Variants in REEP3 observed in about 807,000 individuals in gnomAD.
REEP3 encodes receptor expression-enhancing protein 3.
REEP3 carries 20 observed loss-of-function variants against 41.3 expected under a neutral mutation model. The observed-to-expected ratio is 0.48, with a 90% CI of 0.34 to 0.70. The LOEUF is 0.70. REEP3 is among the 30% of genes least tolerant of loss of function. The pLI, the probability that REEP3 is intolerant of heterozygous loss-of-function variation, is 0.01. For missense variants in REEP3, 271 were observed against 308.8 expected, an observed-to-expected ratio of 0.88 and a Z score of 0.92; for synonymous variants, 104 against 101.8, an observed-to-expected ratio of 1.02 and a Z score of -0.13.
At chr10:63,609,451 CAA>C (rs376009971) in intron 5 of REEP3, among the ~76,000 whole-genome samples, 51 of 81,144 alleles carry the variant, frequency 6.3e-4, no homozygotes, top group Admixed American at 1.2e-3. Flanking sequence ...GACTCTGTCT[CAA>C]AAAAAAAAAA....
At chr10:63,548,639 A>G (rs558493058) in intron 1 of REEP3, among the ~76,000 whole-genome samples, 3 of 152,162 alleles carry the variant, frequency 2.0e-5, no homozygotes, top group Non-Finnish European at 4.4e-5. Context: ...TTTTTAGAAC[A>G]AAGCTGCTGA....
At chr10:63,569,389 TATA>T (rs1346156233) in intron 2 of REEP3, among the ~76,000 whole-genome samples, 3 of 152,004 alleles carry the variant, frequency 2.0e-5, no homozygotes, top group Non-Finnish European at 1.5e-5. Context: ...GCCCGGGATA[TATA>T]ATAATTTGGT....
chr10:63,542,051 A>G (rs554817475), intron 1 of REEP3, among the ~76,000 whole-genome samples: 1 of 151,504 alleles, frequency 6.6e-6, no homozygotes, highest in Non-Finnish European at 1.5e-5. Flanking sequence ...AGTTGGTATA[A>G]GTGACATCAC....
intron 2 of REEP3, among the ~76,000 whole-genome samples, chr10:63,582,854 TC>T (rs1955967751): frequency 6.6e-6 from 1 of 152,202 alleles, no homozygotes; most frequent in African/African-American, 2.4e-5. Flanking sequence ...CTTGCTGCCC[TC>T]CCACTATCTC....
intron 1 of REEP3, among the ~76,000 whole-genome samples, chr10:63,537,483 G>A (rs376523145): frequency 3.9e-5 from 6 of 152,168 alleles, no homozygotes; most frequent in South Asian, 2.1e-4. Context: ...GTTGGATGCC[G>A]GATTCACTGG....
intron 2 of REEP3, among the ~76,000 whole-genome samples, chr10:63,581,128 C>G (rs992911301): frequency 2.0e-5 from 3 of 152,180 alleles, no homozygotes; most frequent in African/African-American, 4.8e-5. Context: ...ATACTGGGAT[C>G]TGTCTTTGGA....
chr10:63,583,831 G>T (rs1955978409), intron 2 of REEP3, among the ~76,000 whole-genome samples: 1 of 152,162 alleles, frequency 6.6e-6, no homozygotes, highest in Non-Finnish European at 1.5e-5. Flanking sequence ...AATATAAAAA[G>T]TGAAGTATGA....
chr10:63,562,677 A>G, intron 1 of REEP3: 1 of 455,004 alleles, frequency 2.2e-6, no homozygotes, highest in South Asian at 1.6e-5. Context: ...TAAGGAAGCC[A>G]CCAGGCATGT....
At chr10:63,570,922 C>T (rs997771155) in intron 2 of REEP3, among the ~76,000 whole-genome samples, 1 of 152,166 alleles carries the variant, frequency 6.6e-6, no homozygotes, top group Non-Finnish European at 1.5e-5. Flanking sequence ...TGACACCAAC[C>T]TGGGCAACAT....
At chr10:63,533,710 C>CTTTGTTTTTTTTTTTTTTTTTTT (rs1955446888) in intron 1 of REEP3, among the ~76,000 whole-genome samples, 1 of 101,070 alleles carries the variant, frequency 9.9e-6, no homozygotes, top group Non-Finnish European at 2.2e-5. Context: ...GTATGTAAAT[C>CTTTGTTTTTTTTTTTTTTTTTTT]TTTTTTTTTT....
At chr10:63,535,059 A>G (rs1019461435) in intron 1 of REEP3, among the ~76,000 whole-genome samples, 3 of 152,182 alleles carry the variant, frequency 2.0e-5, no homozygotes, top group Admixed American at 1.3e-4. Flanking sequence ...TAGGAAGAGA[A>G]TGGTATGGTC....
intron 2 of REEP3, among the ~76,000 whole-genome samples, chr10:63,571,599 A>G (rs1449182688): frequency 6.6e-6 from 1 of 152,150 alleles, no homozygotes; most frequent in Admixed American, 6.5e-5. Context: ...TAAACTTCCC[A>G]TTTCAAGGTC....
chr10:63,548,643 C>G (rs1459253558), intron 1 of REEP3, among the ~76,000 whole-genome samples: 1 of 151,820 alleles, frequency 6.6e-6, no homozygotes, highest in Non-Finnish European at 1.5e-5. Context: ...TAGAACAAAG[C>G]TGCTGAAAAT....
intron 5 of REEP3, among the ~76,000 whole-genome samples, chr10:63,607,401 C>G (rs1178827252): frequency 6.6e-6 from 1 of 152,132 alleles, no homozygotes; most frequent in Non-Finnish European, 1.5e-5. Flanking sequence ...TAAATCCAGC[C>G]TTTAGATAGA....
chr10:63,525,701 G>T (rs1372553164), intron 1 of REEP3, among the ~76,000 whole-genome samples: 2 of 152,180 alleles, frequency 1.3e-5, no homozygotes, highest in African/African-American at 4.8e-5. Context: ...TTACAGGCAT[G>T]AATAGTTACC....
At chr10:63,547,911 A>G (rs1484786799) in intron 1 of REEP3, among the ~76,000 whole-genome samples, 1 of 152,220 alleles carries the variant, frequency 6.6e-6, no homozygotes, top group Non-Finnish European at 1.5e-5. Flanking sequence ...TTTAAAAGAA[A>G]TATCACCAGG....
chr10:63,532,618 T>C (rs942558653), intron 1 of REEP3, among the ~76,000 whole-genome samples: 45 of 149,318 alleles, frequency 3.0e-4, no homozygotes, highest in African/African-American at 9.7e-4. Context: ...ATCGCGCCAC[T>C]GCACTCCAGC....
At chr10:63,611,418 G>C (rs1956276338) in intron 6 of REEP3, among the ~76,000 whole-genome samples, 1 of 152,176 alleles carries the variant, frequency 6.6e-6, no homozygotes, top group Non-Finnish European at 1.5e-5. Flanking sequence ...TCTAGTTCAA[G>C]AGCTAGCTTG....
chr10:63,550,668 G>A (rs1955620839), intron 1 of REEP3, among the ~76,000 whole-genome samples: 1 of 152,140 alleles, frequency 6.6e-6, no homozygotes, highest in Admixed American at 6.5e-5. Flanking sequence ...ATTTGGTAAG[G>A]ATGGAATCCC....
Sources: allele counts gnomAD v4.1 joint callset (sites outside exome capture counted in the v4.1 genomes callset), GRCh38; gene constraint gnomAD v4.1.1; transcripts MANE v1.5; gene names NCBI Gene and HGNC (gene_info 2026-07-23, HGNC 2026-07-21).